PCDHA2: variants seen among roughly 807,000 people sequenced by gnomAD.
PCDHA2 encodes the protein protocadherin alpha-2.
Under a neutral mutation model 66.0 loss-of-function variants are expected in PCDHA2, and 58 were observed. That is an observed-to-expected ratio of 0.88 (90% CI 0.71 to 1.09). The LOEUF is 1.09. Among genes scored for constraint, PCDHA2 ranks in the 50% least tolerant of loss-of-function variants. PCDHA2 has a pLI of 0.00. For synonymous variants in PCDHA2, 634 were observed against 554.0 expected, an observed-to-expected ratio of 1.14 and a Z score of -2.03; for missense variants, 1,267 against 1,242.3, an observed-to-expected ratio of 1.02 and a Z score of -0.30.
In PCDHA2 at chr5:140,882,469, G is replaced by C; in HGVS notation, c.2388+85117G>C. Reference sequence around the variant, plus strand: ...TGGTGCCGCGCCTGTTCCGGGTGGCGTCCAAAAGACACGGGGACCTTCTGG... The same window carrying C: ...TGGTGCCGCGCCTGTTCCGGGTGGCCTCCAAAAGACACGGGGACCTTCTGG... On this transcript the variant is annotated intron_variant, in intron 1 of 3. Coordinates refer to ENST00000526136, the MANE Select transcript of PCDHA2 (RefSeq NM_018905.3). The C allele has an allele frequency of 1.2e-6, 2 of 1,614,032 alleles. 1 individual carries two copies. Among genetic ancestry groups the C allele is most frequent in the South Asian group, 2.2e-5 (2 of 91,072 alleles).
chr5:140,830,372 G>GGGGAGGGCCCACC, intron 1 of PCDHA2: 1 of 1,614,136 alleles, frequency 6.2e-7, no homozygotes, highest in Non-Finnish European at 8.5e-7. Context: ...GGTGTGCTCC[G>GGGGAGGGCCCACC]GGGAGGGCCC....
chr5:140,893,781 G>A (rs113070458), intron 1 of PCDHA2, among the ~76,000 whole-genome samples: 3 of 151,996 alleles, frequency 2.0e-5, no homozygotes, highest in African/African-American at 4.8e-5. Flanking sequence ...TTCTTTTACC[G>A]TTTTTAGAAT....
chr5:140,876,343 T>C lies in PCDHA2; in HGVS notation c.2388+78991T>C, dbSNP rs1196276310. ...AATGATTTTGCCAGTGAGTGAGAAA[T>C]GTATGTTTTCAATAAATCCAGACAC... is the stretch of plus-strand genomic sequence containing the variant. On this transcript the variant is annotated intron_variant, in intron 1 of 3. Transcript: ENST00000526136. 2 of 1,613,972 alleles carry C rather than the reference T, an allele frequency of 1.2e-6. No individual in the cohort carries two copies. The highest frequency in any genetic ancestry group is 1.1e-5 in the South Asian group (1 of 91,090).
chr5:140,829,868 A>G, intron 1 of PCDHA2: 1 of 1,613,886 alleles, frequency 6.2e-7, no homozygotes, highest in East Asian at 2.2e-5. Context: ...AGTGGTGGCG[A>G]AGGTGCGCGC....
At chr5:140,843,312 C>T (rs2150357141) in intron 1 of PCDHA2, 1 of 1,596,048 alleles carries the variant, frequency 6.3e-7, no homozygotes, top group Non-Finnish European at 8.6e-7. Context: ...GCCACGGCCA[C>T]GGTTCTGGTG....
Position 140,838,737 on chromosome 5 carries a change from A to G in PCDHA2, c.2388+41385A>G, listed in dbSNP as rs2150292002. The stretch of plus-strand genomic sequence containing the variant: ...GATTGCTTCAGTCTAGTAGTTTGAG[A>G]CCAGCTTGTGCATCTTTTGTAGAGA... On this transcript the variant is annotated intron_variant, in intron 1 of 3. Coordinates refer to ENST00000526136, the MANE Select transcript of PCDHA2 (RefSeq NM_018905.3). Among the ~76,000 whole-genome samples, 22 of 152,120 alleles carry G rather than the reference A, an allele frequency of 1.4e-4. 1 individual carries two copies. Among genetic ancestry groups the G allele is most frequent in the African/African-American group, 5.3e-4 (22 of 41,484 alleles).
chr5:140,835,899 A>G (rs1554135420), intron 1 of PCDHA2: 1 of 1,612,086 alleles, frequency 6.2e-7, no homozygotes, highest in Non-Finnish European at 8.5e-7. Context: ...CGCGCTGTCG[A>G]GCTACGTGTC....
At position 140,927,806 on chromosome 5, in the gene PCDHA2, T is replaced by C. The variant is rs1554205074; in HGVS notation, c.2389-51143T>C. 4 of 1,614,004 alleles carry C rather than the reference T, an allele frequency of 2.5e-6. No individual in the cohort carries two copies. In the African/African-American group the frequency reaches 5.3e-5, roughly 22 times the overall value. On this transcript the variant is annotated intron_variant, in intron 1 of 3. Transcript: ENST00000526136. ...GCTTCACTAGGTCCGCCTGAAACGC[T>C]CTTGGAGGCATACATTGAGGCGAGG...
chr5:140,820,100 C>G (rs2150105826), intron 1 of PCDHA2, among the ~76,000 whole-genome samples: 1 of 151,902 alleles, frequency 6.6e-6, no homozygotes, highest in South Asian at 2.1e-4. Context: ...TATTTATTAT[C>G]ATTTTCTTAT....
At chr5:140,871,265 G>C in intron 1 of PCDHA2, 1 of 1,613,978 alleles carries the variant, frequency 6.2e-7, no homozygotes, top group South Asian at 1.1e-5. Flanking sequence ...ACGGCGCTGT[G>C]GTGGTCGGCA....
At chr5:140,830,285 T>A in intron 1 of PCDHA2, 1 of 1,613,564 alleles carries the variant, frequency 6.2e-7, no homozygotes, top group Non-Finnish European at 8.5e-7. Flanking sequence ...CGAGGGCGCG[T>A]GCACGGCGGA....
At chr5:140,827,797 T>C (rs1488725700) in intron 1 of PCDHA2, among the ~76,000 whole-genome samples, 3 of 152,216 alleles carry the variant, frequency 2.0e-5, no homozygotes, top group Non-Finnish European at 4.4e-5. Flanking sequence ...CCGTGCAAAT[T>C]ACAAACGTGA....
intron 1 of PCDHA2, among the ~76,000 whole-genome samples, chr5:140,889,903 A>G (rs2062424264): frequency 6.6e-6 from 1 of 152,126 alleles, no homozygotes; most frequent in African/African-American, 2.4e-5. Flanking sequence ...CTACCTTGAG[A>G]TTGTCATACT....
At chr5:140,877,605 G>A (rs1554169915) in intron 1 of PCDHA2, 1 of 1,613,856 alleles carries the variant, frequency 6.2e-7, no homozygotes, top group Non-Finnish European at 8.5e-7. Context: ...CCAGCCTGCT[G>A]GTGCTCACGC....
chr5:140,809,267 G>A (rs1764412049), intron 1 of PCDHA2: 2 of 1,613,996 alleles, frequency 1.2e-6, no homozygotes, highest in Non-Finnish European at 8.5e-7. Flanking sequence ...TGCTGCGCTG[G>A]TGGATGTCAA....
chr5:140,922,784 C>G (rs1399042980), intron 1 of PCDHA2, among the ~76,000 whole-genome samples: 1 of 152,140 alleles, frequency 6.6e-6, no homozygotes, highest in Non-Finnish European at 1.5e-5. Context: ...GGAGAGAAAA[C>G]TGTAGCTTTG....
chr5:140,838,125 T>C (rs1775553938), intron 1 of PCDHA2, among the ~76,000 whole-genome samples: 1 of 145,318 alleles, frequency 6.9e-6, no homozygotes, highest in Non-Finnish European at 1.5e-5. Flanking sequence ...TGTGTGTGTG[T>C]GTGTGTTTGA....
intron 1 of PCDHA2, chr5:140,803,540 T>C (rs781803619): frequency 5.0e-6 from 8 of 1,614,182 alleles, no homozygotes; most frequent in Non-Finnish European, 6.8e-6. Flanking sequence ...CTTGTCCAAT[T>C]AGCCGGGATA....
intron 1 of PCDHA2, among the ~76,000 whole-genome samples, chr5:140,969,910 A>G (rs1364534841): frequency 9.9e-5 from 15 of 152,216 alleles, no homozygotes; most frequent in African/African-American, 3.6e-4. Context: ...GTCACAAGTG[A>G]TAAAGCTGTA....
Sources: allele counts gnomAD v4.1 joint callset (sites outside exome capture counted in the v4.1 genomes callset), GRCh38; gene constraint gnomAD v4.1.1; transcripts MANE v1.5; gene names NCBI Gene and HGNC (gene_info 2026-07-23, HGNC 2026-07-21).